Variants in TNFRSF10B observed in about 807,000 individuals in gnomAD.
TNFRSF10B encodes TNF receptor superfamily member 10b.
In TNFRSF10B, 35 loss-of-function variants were observed where a neutral mutation model predicts 41.4. The ratio of observed to expected loss-of-function variants is 0.85; its 90% CI spans 0.65 to 1.12. The LOEUF is 1.12. TNFRSF10B is among the 50% of genes most tolerant of loss of function. TNFRSF10B has a pLI of 0.00. For missense variants in TNFRSF10B, 584 were observed against 552.7 expected (o/e 1.06, Z -0.57); for synonymous variants, 230 against 215.5 (o/e 1.07, Z -0.59).
At chr8:23,033,536 C>T (rs1165089036) in intron 2 of TNFRSF10B, among the ~76,000 whole-genome samples, 1 of 126,896 alleles carries the variant, frequency 7.9e-6, no homozygotes, top group Non-Finnish European at 1.6e-5. Flanking sequence ...TGCAGTGAGC[C>T]GAGATTACGC....
intron 2 of TNFRSF10B, among the ~76,000 whole-genome samples, chr8:23,040,804 A>C (rs1812173313): frequency 6.6e-6 from 1 of 152,148 alleles, no homozygotes. Flanking sequence ...ATATTGAAAG[A>C]CATTCTAAAA....
intron 7 of TNFRSF10B, among the ~76,000 whole-genome samples, chr8:23,024,601 A>C (rs904167992): frequency 6.6e-6 from 1 of 151,628 alleles, no homozygotes; most frequent in African/African-American, 2.4e-5. Flanking sequence ...GCTCACTGCA[A>C]CCTCCACCTC....
At chr8:23,041,362 T>C (rs1040012114) in intron 2 of TNFRSF10B, among the ~76,000 whole-genome samples, 2 of 151,708 alleles carry the variant, frequency 1.3e-5, no homozygotes, top group African/African-American at 4.9e-5. Flanking sequence ...CGGCGTTATA[T>C]GGGAATTTTT....
chr8:23,063,341 T>G (rs1812886506), intron 1 of TNFRSF10B, among the ~76,000 whole-genome samples: 1 of 126,972 alleles, frequency 7.9e-6, no homozygotes, highest in Admixed American at 8.1e-5. Context: ...ACAGTGAAAC[T>G]GTCTCAAAAA....
chr8:23,022,630 G>T lies in TNFRSF10B; in HGVS notation c.*41C>A, dbSNP rs1361862052. 6.2e-7 allele frequency: 1 copy of T among 1,612,114 alleles called. No individual in the cohort carries two copies. Among genetic ancestry groups the T allele is most frequent in the Non-Finnish European group, 8.5e-7 (1 of 1,178,876 alleles). On this transcript the variant is annotated 3_prime_UTR_variant, in exon 9 of 9. Transcript: ENST00000276431. ...CCAGTTGGGCTTTTTCCAGAAAAAAGGTAAACCAGGGAAGGTCTGACTTCC... is the reference window on the plus strand; with the variant it reads ...CCAGTTGGGCTTTTTCCAGAAAAAATGTAAACCAGGGAAGGTCTGACTTCC...
At chr8:23,027,613 G>T in intron 6 of TNFRSF10B, 109 bp downstream of exon 6, 1 of 1,495,946 alleles carries the variant, frequency 6.7e-7, no homozygotes, top group Non-Finnish European at 9.2e-7. Flanking sequence ...CCACTTCAGA[G>T]AGTCAGGGCA....
intron 2 of TNFRSF10B, among the ~76,000 whole-genome samples, chr8:23,040,889 A>C (rs1473883602): frequency 1.3e-5 from 2 of 152,108 alleles, no homozygotes; most frequent in Non-Finnish European, 2.9e-5. Flanking sequence ...CACTGATAAA[A>C]ACGTGATTAT....
At chr8:23,023,033 G>A in intron 8 of TNFRSF10B, 49 bp from the exon 9 acceptor site, 1 of 1,596,660 alleles carries the variant, frequency 6.3e-7, no homozygotes, top group Non-Finnish European at 8.5e-7. Context: ...GACTCAGAAA[G>A]GGCAGAGGAT....
Position 23,030,742 on chromosome 8 carries a change from G to T in TNFRSF10B, c.364+17C>A, listed in dbSNP as rs780398734. The T allele has an allele frequency of 6.9e-6, 11 of 1,592,102 alleles. No individual in the cohort carries two copies. The highest frequency in any genetic ancestry group is 1.7e-4 in the Middle Eastern group (1 of 6,002). ...CCCGCATTCCACCTTTAGGCATGGG[G>T]TCCATATGTTCTGTACCTGAATCAC... On this transcript the variant is annotated intron_variant, in intron 3 of 8. Transcript: ENST00000276431.
At chr8:23,062,147 TTC>T (rs1454172341) in intron 1 of TNFRSF10B, among the ~76,000 whole-genome samples, 2 of 152,216 alleles carry the variant, frequency 1.3e-5, no homozygotes, top group Admixed American at 1.3e-4. Flanking sequence ...CACTAGTGAA[TTC>T]TGTCAGTTTA....
At chr8:23,023,542 G>A (rs1236295981) in intron 8 of TNFRSF10B, among the ~76,000 whole-genome samples, 9 of 152,176 alleles carry the variant, frequency 5.9e-5, no homozygotes, top group Non-Finnish European at 1.0e-4. Context: ...CCCAGATCTC[G>A]GGACGATGAG....
chr8:23,038,494 T>C (rs1812084938), intron 2 of TNFRSF10B, among the ~76,000 whole-genome samples: 1 of 152,250 alleles, frequency 6.6e-6, no homozygotes, highest in Non-Finnish European at 1.5e-5. Flanking sequence ...TGTAAATATA[T>C]GTTAAGCGAA....
intron 2 of TNFRSF10B, among the ~76,000 whole-genome samples, chr8:23,036,163 G>A (rs1812024784): frequency 6.6e-6 from 1 of 152,158 alleles, no homozygotes; most frequent in Non-Finnish European, 1.5e-5. Context: ...GTTAACCATA[G>A]GCCACCAAAT....
intron 1 of TNFRSF10B, among the ~76,000 whole-genome samples, chr8:23,047,454 G>A (rs1812397356): frequency 6.6e-6 from 1 of 151,778 alleles, no homozygotes; most frequent in East Asian, 1.9e-4. Flanking sequence ...CCATACATCT[G>A]ATAAGGGGTT....
intron 1 of TNFRSF10B, among the ~76,000 whole-genome samples, chr8:23,055,030 C>T (rs767013274): frequency 6.6e-6 from 1 of 152,164 alleles, no homozygotes; most frequent in Non-Finnish European, 1.5e-5. Context: ...AAATTCTAGT[C>T]TTCCTCGATG....
chr8:23,029,493 G>T, intron 4 of TNFRSF10B, 117 bp downstream of exon 4: 1 of 997,138 alleles, frequency 1.0e-6, no homozygotes, highest in Non-Finnish European at 1.5e-6. Flanking sequence ...AGGAGGGGCA[G>T]CCACAGCCTC....
At chr8:23,068,674 C>G (rs1813074276) in intron 1 of TNFRSF10B, 77 bp downstream of exon 1, 1 of 1,520,994 alleles carries the variant, frequency 6.6e-7, no homozygotes, top group Non-Finnish European at 8.8e-7. Flanking sequence ...GCACCCCCGC[C>G]GTGTCCCCCT....
rs1007193969 is a variant in TNFRSF10B at position 23,021,584 on chromosome 8, C to T, written c.*1087G>A. On this transcript the variant is annotated 3_prime_UTR_variant, in exon 9 of 9. Coordinates refer to ENST00000276431, the MANE Select transcript of TNFRSF10B (RefSeq NM_003842.5). The stretch of plus-strand genomic sequence containing the variant: ...TCTAACCCATCTGCCTCTGTCCCAG[C>T]CTGTCCATAGATGGGGGCTATGGGT... 2.2e-5 allele frequency: 10 copies of T among 454,020 alleles called. No homozygotes were observed. The highest frequency in any genetic ancestry group is 1.8e-4 in the African/African-American group (9 of 50,000). The allele number at this position is 454,020 out of a possible 1,614,324, so 28.1% of individuals were successfully genotyped here.
At chr8:23,045,542 T>C (rs1812333001) in intron 1 of TNFRSF10B, among the ~76,000 whole-genome samples, 1 of 152,146 alleles carries the variant, frequency 6.6e-6, no homozygotes, top group South Asian at 2.1e-4. Flanking sequence ...TTCTAAACTT[T>C]CCCAAATAAA....
Sources: allele counts gnomAD v4.1 joint callset (sites outside exome capture counted in the v4.1 genomes callset), GRCh38; gene constraint gnomAD v4.1.1; transcripts MANE v1.5; gene names NCBI Gene and HGNC (gene_info 2026-07-23, HGNC 2026-07-21).